The following RCN2 variants were observed in gnomAD, a reference collection of about 807,000 sequenced individuals.
RCN2 encodes the protein reticulocalbin-2.
Under a neutral mutation model 37.5 loss-of-function variants are expected in RCN2, and 23 were observed. That is an observed-to-expected ratio of 0.61 (90% CI 0.44 to 0.87). The LOEUF is 0.87. Ranked by LOEUF, RCN2 falls within the 40% of genes least tolerant of loss-of-function variation. RCN2 has a pLI of 0.00. For synonymous variants in RCN2, 140 were observed against 144.6 expected (o/e 0.97, Z 0.23); for missense variants, 381 against 390.4 (o/e 0.98, Z 0.20).
chr15:76,932,318 GA>G, intron 1 of RCN2, 42 bp from the exon 2 acceptor site: 2 of 1,482,584 alleles, frequency 1.3e-6, no homozygotes, highest in African/African-American at 2.8e-5. Context: ...TTGCCCCACT[GA>G]TAGTAATGCT....
chr15:76,947,652 C>A, intron 5 of RCN2, 135 bp downstream of exon 5: 1 of 617,938 alleles, frequency 1.6e-6, no homozygotes, highest in Non-Finnish European at 2.8e-6. Context: ...GTTTCGTTAA[C>A]TGTAATACAA....
intron 2 of RCN2, among the ~76,000 whole-genome samples, chr15:76,933,425 A>G (rs1410195647): frequency 6.6e-6 from 1 of 152,240 alleles, no homozygotes; most frequent in Non-Finnish European, 1.5e-5. Context: ...CCACTTAGTT[A>G]GACAATAATA....
rs1284356930 is a variant in RCN2 at position 76,953,555 on chromosome 15, CTATATATATATATATATATATATA to C, written c.*4349_*4372del. 83 of 26,708 alleles carry C rather than the reference CTATATATATATATATATATATATA, an allele frequency of 3.1e-3. No homozygotes were observed. Among genetic ancestry groups the C allele is most frequent in the Middle Eastern group, 0.091 (2 of 22 alleles). 1.7% of individuals were successfully genotyped at this position (26,708 alleles called of 1,614,324 possible). A position where few individuals can be genotyped will look rare whatever the true frequency, so the allele number is the denominator to read the frequency against. On this transcript the variant is annotated 3_prime_UTR_variant, in exon 7 of 7. Coordinates refer to ENST00000394885, the MANE Select transcript of RCN2 (RefSeq NM_002902.3). ...GGGATTGCTGGATCATATAGTAATT[CTATATATATATATATATATATATA>C]TATATATATATATATTTTTTTTTTT... is the stretch of plus-strand genomic sequence containing the variant.
chr15:76,932,123 T>C, intron 1 of RCN2, 138 bp downstream of exon 1: 1 of 889,934 alleles, frequency 1.1e-6, no homozygotes, highest in Non-Finnish European at 1.5e-6. Context: ...GGCGCGGCAC[T>C]CGCTCTCTGG....
intron 3 of RCN2, 101 bp from the exon 4 acceptor site, chr15:76,943,657 G>T: frequency 1.6e-6 from 1 of 643,178 alleles, no homozygotes; most frequent in South Asian, 2.0e-5. Flanking sequence ...GAAGATAAAT[G>T]AGATAACGGA....
intron 3 of RCN2, among the ~76,000 whole-genome samples, chr15:76,936,037 TTTATC>T (rs1033462881): frequency 6.6e-6 from 1 of 152,230 alleles, no homozygotes; most frequent in Non-Finnish European, 1.5e-5. Flanking sequence ...AATAATCAGT[TTTATC>T]TTTATTAAGA....
rs71143379 is a variant in RCN2 at position 76,953,593 on chromosome 15, A to ATTTTTT, written c.*4398_*4403dup. On this transcript the variant is annotated 3_prime_UTR_variant, in exon 7 of 7. Coordinates refer to ENST00000394885, the MANE Select transcript of RCN2 (RefSeq NM_002902.3). Reference sequence around the variant, plus strand: ...TATATATATATATATATATATATATATTTTTTTTTTTTTTTTTTTTTTTTT... The same window carrying ATTTTTT: ...TATATATATATATATATATATATATATTTTTTTTTTTTTTTTTTTTTTTTTTTTTTT... 3.0e-4 allele frequency: 3 copies of ATTTTTT among 9,840 alleles called. No individual in the cohort carries two copies. Among genetic ancestry groups the ATTTTTT allele is most frequent in the Non-Finnish European group, 5.7e-4 (3 of 5,278 alleles). The allele number at this position is 9,840 out of a possible 1,614,324, so 0.6% of individuals were successfully genotyped here.
chr15:76,941,618 T>C (rs1313507018), intron 3 of RCN2: 1 of 1,425,512 alleles, frequency 7.0e-7, no homozygotes, highest in East Asian at 2.5e-5. Context: ...ACTGACCATC[T>C]TTTTTGTTAT....
In RCN2 at chr15:76,932,000, C is replaced by A; in HGVS notation, c.144+15C>A. 8.0e-7 allele frequency: 1 copy of A among 1,257,042 alleles called. No homozygotes were observed. Among genetic ancestry groups the A allele is most frequent in the Non-Finnish European group, 9.9e-7 (1 of 1,005,340 alleles). The allele number at this position is 1,257,042 out of a possible 1,614,324, so 77.9% of individuals were successfully genotyped here. A position where few individuals can be genotyped will look rare whatever the true frequency, so the allele number is the denominator to read the frequency against. ...TGGGCGTCCAGGTGAGGCGGCCAGG[C>A]CGGTGCTGGGAGGGCCGGGCCTCGC... On this transcript the variant is annotated intron_variant, in intron 1 of 6. Transcript: ENST00000394885.
chr15:76,931,820 G>A lies in RCN2; in HGVS notation c.-22G>A. On this transcript the variant is annotated 5_prime_UTR_variant, in exon 1 of 7. In the 5' UTR this introduces an upstream ATG that the reference lacks. Coordinates refer to ENST00000394885, the MANE Select transcript of RCN2 (RefSeq NM_002902.3). ...CCAGCCTCCCTCCTCGCGTCCCTCG[G>A]TGTCCTCCGCGGGCCGGCGCGATGC... 1 of 1,214,522 alleles carries A rather than the reference G, an allele frequency of 8.2e-7. No homozygotes were observed. Among genetic ancestry groups the A allele is most frequent in the Non-Finnish European group, 1.0e-6 (1 of 978,040 alleles). The allele number at this position is 1,214,522 out of a possible 1,614,324, so 75.2% of individuals were successfully genotyped here. A position where few individuals can be genotyped will look rare whatever the true frequency, so the allele number is the denominator to read the frequency against.
rs2075321274 is a variant in RCN2 at position 76,951,641 on chromosome 15, A to G, written c.*2419A>G. The G allele has an allele frequency of 6.6e-6, 1 of 152,208 alleles. No homozygotes were observed. The highest frequency in any genetic ancestry group is 1.5e-5 in the Non-Finnish European group (1 of 68,040). 9.4% of individuals were successfully genotyped at this position (152,208 alleles called of 1,614,324 possible). ...ATCTACTGCTGAGTCAAAATAGAAA[A>G]TTTTAAGGCTTTTTTTAGATTTGAA... On this transcript the variant is annotated 3_prime_UTR_variant, in exon 7 of 7. Transcript: ENST00000394885.
Position 76,953,385 on chromosome 15 carries a change from A to C in RCN2, c.*4163A>C, listed in dbSNP as rs2075330184. On this transcript the variant is annotated 3_prime_UTR_variant, in exon 7 of 7. Coordinates refer to ENST00000394885, the MANE Select transcript of RCN2 (RefSeq NM_002902.3). ...CAATACTTTATTGTTTGCATATACC[A>C]CATTTTGCTTATCCATTCACCCTTT... is the stretch of plus-strand genomic sequence containing the variant. The C allele has an allele frequency of 6.6e-6, 1 of 151,472 alleles. No individual in the cohort carries two copies. The highest frequency in any genetic ancestry group is 1.5e-5 in the Non-Finnish European group (1 of 67,880). 9.4% of individuals were successfully genotyped at this position (151,472 alleles called of 1,614,324 possible). A position where few individuals can be genotyped will look rare whatever the true frequency, so the allele number is the denominator to read the frequency against.
intron 4 of RCN2, among the ~76,000 whole-genome samples, chr15:76,945,567 A>G (rs1057300042): frequency 6.6e-6 from 1 of 152,272 alleles, no homozygotes; most frequent in Non-Finnish European, 1.5e-5. Context: ...GCTTGAAAGC[A>G]TAAACCATCA....
chr15:76,931,821 T>A lies in RCN2; in HGVS notation c.-21T>A. On this transcript the variant is annotated 5_prime_UTR_variant, in exon 1 of 7. Coordinates refer to ENST00000394885, the MANE Select transcript of RCN2 (RefSeq NM_002902.3). ...CAGCCTCCCTCCTCGCGTCCCTCGGTGTCCTCCGCGGGCCGGCGCGATGCG... is the reference window on the plus strand; with the variant it reads ...CAGCCTCCCTCCTCGCGTCCCTCGGAGTCCTCCGCGGGCCGGCGCGATGCG... The A allele has an allele frequency of 1.7e-6, 2 of 1,212,090 alleles. No homozygotes were observed. The highest frequency in any genetic ancestry group is 2.0e-6 in the Non-Finnish European group (2 of 976,612). 75.1% of individuals were successfully genotyped at this position (1,212,090 alleles called of 1,614,324 possible).
intron 3 of RCN2, among the ~76,000 whole-genome samples, chr15:76,937,646 G>A (rs1332471679): frequency 1.3e-5 from 2 of 152,060 alleles, no homozygotes; most frequent in Non-Finnish European, 2.9e-5. Flanking sequence ...GAGGTCAAGT[G>A]ATCTACCCAC....
chr15:76,944,503 G>A (rs1012127489), intron 4 of RCN2, among the ~76,000 whole-genome samples: 1 of 151,918 alleles, frequency 6.6e-6, no homozygotes, highest in African/African-American at 2.4e-5. Context: ...CTCATTAACT[G>A]TTCTCAGCGC....
Position 76,949,549 on chromosome 15 carries a change from C to T in RCN2, c.*327C>T, listed in dbSNP as rs2075310647. ...AAAACATGGAGGATTTTAGAGATGC[C>T]TGAACAATATTATTTAAGTAGTATG... On this transcript the variant is annotated 3_prime_UTR_variant, in exon 7 of 7. Transcript: ENST00000394885. 1 of 170,210 alleles carries T rather than the reference C, an allele frequency of 5.9e-6. No individual in the cohort carries two copies. The highest frequency in any genetic ancestry group is 1.2e-5 in the Non-Finnish European group (1 of 80,074). 10.5% of individuals were successfully genotyped at this position (170,210 alleles called of 1,614,324 possible).
intron 6 of RCN2, 63 bp from the exon 7 acceptor site, chr15:76,949,007 A>G: frequency 1.4e-6 from 2 of 1,396,576 alleles, no homozygotes; most frequent in Non-Finnish European, 1.9e-6. Flanking sequence ...AAATCACATT[A>G]AATTGTGAAC....
chr15:76,939,004 A>G (rs924953098), intron 3 of RCN2, among the ~76,000 whole-genome samples: 4 of 152,156 alleles, frequency 2.6e-5, no homozygotes, highest in Non-Finnish European at 5.9e-5. Flanking sequence ...GTCCCTATGG[A>G]TACATTTTCC....
Sources: allele counts gnomAD v4.1 joint callset (sites outside exome capture counted in the v4.1 genomes callset), GRCh38; gene constraint gnomAD v4.1.1; transcripts MANE v1.5; gene names NCBI Gene and HGNC (gene_info 2026-07-23, HGNC 2026-07-21).